Variants in PIEZO2 observed in about 807,000 individuals in gnomAD.
PIEZO2 encodes the protein piezo type mechanosensitive ion channel component 2.
Under a neutral mutation model 337.3 loss-of-function variants are expected in PIEZO2, and 172 were observed. That is an observed-to-expected ratio of 0.51 (90% CI 0.45 to 0.58). The LOEUF (loss-of-function observed/expected upper bound fraction) is 0.58, where lower values mean the gene tolerates loss of function less well. Ranked by LOEUF, PIEZO2 falls within the 20% of genes least tolerant of loss-of-function variation. The pLI, the probability that PIEZO2 is intolerant of heterozygous loss-of-function variation, is 0.00. For missense variants in PIEZO2, 3,028 were observed against 3,391.3 expected (o/e 0.89, Z 2.66); for synonymous variants, 1,251 against 1,228.5 (o/e 1.02, Z -0.38).
chr18:10,719,486 C>T (rs2036164219), intron 36 of PIEZO2, among the ~76,000 whole-genome samples: 1 of 152,172 alleles, frequency 6.6e-6, no homozygotes, highest in Non-Finnish European at 1.5e-5. Context: ...AGGATAATGG[C>T]CTCCAGTTCC....
Position 11,110,776 on chromosome 18 carries a change from C to T in PIEZO2, c.64+37749G>A, listed in dbSNP as rs1214068674. On this transcript the variant is annotated intron_variant, in intron 1 of 55. Transcript: ENST00000674853. This position sits in a 1 kb window ranked among gnomAD's most constrained non-coding sequence, Gnocchi z 4.2. Reference sequence around the variant, plus strand: ...GCTGATGGCAGGCAGCTCTGGCCCACGTGTGCGTTTCCTTTGGAACACACA... The same window carrying T: ...GCTGATGGCAGGCAGCTCTGGCCCATGTGTGCGTTTCCTTTGGAACACACA... Among the ~76,000 whole-genome samples, 1 of 151,982 alleles carries T rather than the reference C, an allele frequency of 6.6e-6. No homozygotes were observed. The highest frequency in any genetic ancestry group is 1.5e-5 in the Non-Finnish European group (1 of 67,990).
At chr18:10,887,086 T>TTTC (rs1318921354) in intron 4 of PIEZO2, among the ~76,000 whole-genome samples, 2 of 144,684 alleles carry the variant, frequency 1.4e-5, no homozygotes. Context: ...TTTTTTTTTT[T>TTTC]TGAGACAGAG....
At chr18:10,949,464 G>T (rs1014996759) in intron 3 of PIEZO2, among the ~76,000 whole-genome samples, 2 of 150,600 alleles carry the variant, frequency 1.3e-5, no homozygotes, top group Non-Finnish European at 3.0e-5. Context: ...TAGCCCAGGG[G>T]TGACAGGAGA....
intron 4 of PIEZO2, among the ~76,000 whole-genome samples, chr18:10,884,471 AG>A (rs2042515164): frequency 6.6e-6 from 1 of 152,160 alleles, no homozygotes; most frequent in Non-Finnish European, 1.5e-5. Context: ...TGTATGACAA[AG>A]GGGAAAATTC....
At chr18:10,844,511 G>A (rs1032563874) in intron 7 of PIEZO2, among the ~76,000 whole-genome samples, 3 of 151,572 alleles carry the variant, frequency 2.0e-5, no homozygotes, top group Non-Finnish European at 2.9e-5. Context: ...CCTACTGGCC[G>A]GGCACGGTGG....
intron 2 of PIEZO2, among the ~76,000 whole-genome samples, chr18:10,992,815 T>G (rs2035159904): frequency 6.6e-6 from 1 of 152,210 alleles, no homozygotes. Context: ...TAAATTACTT[T>G]GGGCAGTATG....
chr18:11,003,841 T>C lies in PIEZO2; in HGVS notation c.161-24181A>G, dbSNP rs2035629841. Among the ~76,000 whole-genome samples, 1 of 152,210 alleles carries C rather than the reference T, an allele frequency of 6.6e-6. No individual in the cohort carries two copies. ...GGTGGACCTGGAAACAAAGTGATTT[T>C]TTCCCCTCATTGACATTGGAACAAA... On this transcript the variant is annotated intron_variant, in intron 2 of 55. Transcript: ENST00000674853. The surrounding 1 kb of genome is among the most constrained non-coding windows in gnomAD (Gnocchi z 4.6).
At chr18:10,989,276 A>G (rs2035001620) in intron 2 of PIEZO2, among the ~76,000 whole-genome samples, 1 of 152,136 alleles carries the variant, frequency 6.6e-6, no homozygotes, top group Non-Finnish European at 1.5e-5. Context: ...AGTTTTAAAA[A>G]GAAAACAATA....
intron 2 of PIEZO2, among the ~76,000 whole-genome samples, chr18:11,015,979 T>TA (rs1261200194): frequency 6.6e-6 from 1 of 152,222 alleles, no homozygotes; most frequent in Non-Finnish European, 1.5e-5. Context: ...AACTGCACGT[T>TA]AGTGAGAAAT....
intron 48 of PIEZO2, among the ~76,000 whole-genome samples, chr18:10,690,561 C>T (rs534529254): frequency 6.6e-5 from 10 of 152,168 alleles, no homozygotes; most frequent in Admixed American, 3.9e-4. Flanking sequence ...GTATGAAACA[C>T]GACCCCACAC....
At position 11,143,627 on chromosome 18, in the gene PIEZO2, A is replaced by ACTCTCTCTCTCTCT. The variant is rs1448983282; in HGVS notation, c.64+4897_64+4898insAGAGAGAGAGAGAG. ...CACACACACACACACACACACACAC[A>ACTCTCTCTCTCTCT]CACACACACACACTCTCTCTCTCTC... On this transcript the variant is annotated intron_variant, in intron 1 of 55. Transcript: ENST00000674853. This position sits in a 1 kb window ranked among gnomAD's most constrained non-coding sequence, Gnocchi z 4.9. 5.6e-5 allele frequency among the ~76,000 whole-genome samples: 6 copies of ACTCTCTCTCTCTCT among 107,866 alleles called. No homozygotes were observed. Among genetic ancestry groups the ACTCTCTCTCTCTCT allele is most frequent in the Admixed American group, 9.1e-5 (1 of 11,016 alleles). The allele number at this position is 107,866 out of a possible 152,430, so 70.8% of individuals were successfully genotyped here.
intron 3 of PIEZO2, among the ~76,000 whole-genome samples, chr18:10,918,888 T>C (rs1194167986): frequency 6.6e-6 from 1 of 152,070 alleles, no homozygotes. Context: ...CTGTTATATA[T>C]AACATTGCAA....
rs140967214 is a variant in PIEZO2 at position 11,146,852 on chromosome 18, C to T, written c.64+1673G>A. On this transcript the variant is annotated intron_variant, in intron 1 of 55. Coordinates refer to ENST00000674853, the MANE Select transcript of PIEZO2 (RefSeq NM_001378183.1). This position sits in a 1 kb window ranked among gnomAD's most constrained non-coding sequence, Gnocchi z 6.1. Reference sequence around the variant, plus strand: ...GGGGGATGGGGAAGAGGGTGTCCATCCTCCAGGAACAGTGGCGAGGAGGAC... The same window carrying T: ...GGGGGATGGGGAAGAGGGTGTCCATTCTCCAGGAACAGTGGCGAGGAGGAC... 6.6e-6 allele frequency among the ~76,000 whole-genome samples: 1 copy of T among 152,142 alleles called. No homozygotes were observed. Among genetic ancestry groups the T allele is most frequent in the Non-Finnish European group, 1.5e-5 (1 of 68,022 alleles).
intron 18 of PIEZO2, among the ~76,000 whole-genome samples, chr18:10,774,271 A>G (rs1174806712): frequency 6.6e-6 from 1 of 152,212 alleles, no homozygotes; most frequent in Non-Finnish European, 1.5e-5. Context: ...GCAGGTTTGT[A>G]AAGGAGAGAG....
At position 10,900,178 on chromosome 18, in the gene PIEZO2, T is replaced by TACACAC. The variant is rs56708718; in HGVS notation, c.329+11002_329+11007dup. Among the ~76,000 whole-genome samples, 1,206 of 148,496 alleles carry TACACAC rather than the reference T, an allele frequency of 8.1e-3. 15 individuals are homozygous for TACACAC. Among genetic ancestry groups the TACACAC allele is most frequent in the African/African-American group, 0.026 (1,054 of 40,348 alleles). ...AAAAATATAAATCACTTACTTTTGT[T>TACACAC]ACACACACACACACACACACACACA... is the stretch of plus-strand genomic sequence containing the variant. On this transcript the variant is annotated intron_variant, in intron 4 of 55. Coordinates refer to ENST00000674853, the MANE Select transcript of PIEZO2 (RefSeq NM_001378183.1).
chr18:11,133,417 T>C (rs1021614368), intron 1 of PIEZO2, among the ~76,000 whole-genome samples: 4 of 152,124 alleles, frequency 2.6e-5, no homozygotes, highest in Admixed American at 2.6e-4. Flanking sequence ...ATGGTTAATA[T>C]AGAGTGTCAA....
At chr18:10,860,773 GATTAAATCAA>G (rs2041851204) in intron 5 of PIEZO2, among the ~76,000 whole-genome samples, 1 of 152,226 alleles carries the variant, frequency 6.6e-6, no homozygotes. Flanking sequence ...TACGGATGTA[GATTAAATCAA>G]ATAGAAATCT....
chr18:10,944,488 C>CAT lies in PIEZO2; in HGVS notation c.287-33262_287-33261dup, dbSNP rs768935656. On this transcript the variant is annotated intron_variant, in intron 3 of 55. Coordinates refer to ENST00000674853, the MANE Select transcript of PIEZO2 (RefSeq NM_001378183.1). ...TGACAGATTATATATATCTTAGTAA[C>CAT]ATATATATATATATATATCTTAGTA... Among the ~76,000 whole-genome samples, 770 of 132,876 alleles carry CAT rather than the reference C, an allele frequency of 5.8e-3. 19 individuals carry two copies. The highest frequency in any genetic ancestry group is 0.013 in the Admixed American group (177 of 13,290). 87.2% of individuals were successfully genotyped at this position (132,876 alleles called of 152,430 possible). A position where few individuals can be genotyped will look rare whatever the true frequency, so the allele number is the denominator to read the frequency against.
intron 21 of PIEZO2, among the ~76,000 whole-genome samples, chr18:10,764,508 G>T (rs1199408428): frequency 1.3e-5 from 2 of 151,644 alleles, no homozygotes; most frequent in Admixed American, 1.3e-4. Context: ...GGGCGTGGTG[G>T]CAGGCTCCTG....
Sources: allele counts gnomAD v4.1 joint callset (sites outside exome capture counted in the v4.1 genomes callset), GRCh38; gene constraint gnomAD v4.1.1; non-coding constraint Gnocchi (gnomAD v3.1); transcripts MANE v1.5; gene names NCBI Gene and HGNC (gene_info 2026-07-23, HGNC 2026-07-21).